HEPH: variants seen among roughly 807,000 people sequenced by gnomAD.
HEPH encodes the protein hephaestin.
In HEPH, 69 loss-of-function variants were observed where a neutral mutation model predicts 80.8. That is an observed-to-expected ratio of 0.85 (90% CI 0.70 to 1.04). The LOEUF (loss-of-function observed/expected upper bound fraction) is 1.04. Among genes scored for constraint, HEPH ranks in the 50% least tolerant of loss-of-function variants. The pLI, the probability that HEPH is intolerant of heterozygous loss-of-function variation, is 0.00. For missense variants in HEPH, 1,115 were observed against 891.3 expected, an observed-to-expected ratio of 1.25 and a Z score of -3.20; for synonymous variants, 431 against 322.8, an observed-to-expected ratio of 1.34 and a Z score of -3.60.
At chrX:66,234,001 C>G (rs1448148855) in intron 15 of HEPH, among the ~76,000 whole-genome samples, 1 of 110,980 alleles carries the variant, frequency 9.0e-6, no homozygotes, top group Admixed American at 9.6e-5. Flanking sequence ...AGACTATTAT[C>G]TCACTGAGGT....
intron 2 of HEPH, 75 bp from the exon 3 acceptor site, chrX:66,172,280 G>A: frequency 9.7e-7 from 1 of 1,029,002 alleles, no homozygotes; most frequent in Non-Finnish European, 1.3e-6. Flanking sequence ...TTTTTGGTCA[G>A]TATCCTCTGG....
chrX:66,163,161 G>A (rs536149079), upstream of HEPH, among the ~76,000 whole-genome samples: 2 of 111,473 alleles, frequency 1.8e-5, no homozygotes, highest in East Asian at 5.7e-4. Context: ...AATAGAAAGA[G>A]GCCCAGAGAA....
chrX:66,245,183 G>A (rs1383565380), intron 15 of HEPH, among the ~76,000 whole-genome samples: 1 of 110,997 alleles, frequency 9.0e-6, no homozygotes, highest in Non-Finnish European at 1.9e-5. Context: ...ACACTGACTG[G>A]CAAATTGGAT....
chrX:66,164,381 C>A lies in HEPH; in HGVS notation c.-103C>A. ...AAAGGCCCTGTAACCAAGATACTGA[C>A]TGAACATGGCTGGCGGACTCAGGCT... is the stretch of plus-strand genomic sequence containing the variant. On this transcript the variant is annotated 5_prime_UTR_variant, in exon 1 of 21. The change creates a new upstream start codon in the 5' untranslated region. Transcript: ENST00000343002. 1.3e-6 allele frequency: 1 copy of A among 753,646 alleles called. No homozygotes were observed. The highest frequency in any genetic ancestry group is 2.3e-5 in the African/African-American group (1 of 43,843). The allele number at this position is 753,646 out of a possible 1,213,427, so 62.1% of individuals were successfully genotyped here.
intron 20 of HEPH, among the ~76,000 whole-genome samples, chrX:66,264,421 CT>C (rs768517388): frequency 9.1e-6 from 1 of 109,323 alleles, no homozygotes; most frequent in Admixed American, 9.9e-5. Context: ...TTATTCTTGC[CT>C]CTTTCCCTTT....
At position 66,197,841 on chromosome X, in the gene HEPH, G is replaced by T. The variant is rs865916948; in HGVS notation, c.1660G>T (p.Val554Leu). The change falls in exon 10 of 21, where the codon GTG becomes TTG. Residue 554 changes from valine (V) to leucine (L), a missense_variant. This residue lies in a region of HEPH where 716 missense variants were observed against 523.5 expected (regional missense o/e 1.37). Transcript: ENST00000343002. ...DPIRDTNSGL[V>L]GPLLVCRAGA... ...CATAAGAGACACAAATTCTGGCCTGGTGGGCCCGCTGCTGGTGTGCAGGGC... is the reference window on the plus strand; with the variant it reads ...CATAAGAGACACAAATTCTGGCCTGTTGGGCCCGCTGCTGGTGTGCAGGGC... 8.3e-7 allele frequency: 1 copy of T among 1,207,432 alleles called. No homozygotes were observed. Among genetic ancestry groups the T allele is most frequent in the Non-Finnish European group, 1.1e-6 (1 of 893,974 alleles).
intron 7 of HEPH, 23 bp from the exon 8 acceptor site, chrX:66,193,479 A>G (rs748477702): frequency 1.8e-6 from 2 of 1,094,591 alleles, no homozygotes; most frequent in African/African-American, 3.7e-5. Context: ...AAATAATATC[A>G]TATTTTCCTT....
At chrX:66,263,146 G>A (rs2091421640) in intron 19 of HEPH, among the ~76,000 whole-genome samples, 2 of 111,691 alleles carry the variant, frequency 1.8e-5, no homozygotes, top group Admixed American at 1.9e-4. Flanking sequence ...AGCCTCAAAA[G>A]AGATATGTTT....
chrX:66,166,338 CAT>C (rs2086362372), intron 1 of HEPH, among the ~76,000 whole-genome samples: 1 of 110,824 alleles, frequency 9.0e-6, no homozygotes, highest in Non-Finnish European at 1.9e-5. Context: ...GGATTACAGG[CAT>C]GCACCACCAT....
At chrX:66,249,902 G>A (rs1486560823) in intron 15 of HEPH, among the ~76,000 whole-genome samples, 2 of 111,440 alleles carry the variant, frequency 1.8e-5, no homozygotes, top group East Asian at 5.7e-4. Context: ...GGGTGGGAGT[G>A]GTGAAGGGGA....
chrX:66,174,856 A>G (rs2086735384), intron 4 of HEPH, among the ~76,000 whole-genome samples: 1 of 110,840 alleles, frequency 9.0e-6, no homozygotes, highest in African/African-American at 3.3e-5. Flanking sequence ...CCACTTTTTG[A>G]TGGGATTGTT....
chrX:66,267,292 A>T lies in HEPH; in HGVS notation c.*620A>T, dbSNP rs1244525765. On this transcript the variant is annotated 3_prime_UTR_variant, in exon 21 of 21. Coordinates refer to ENST00000343002, the MANE Select transcript of HEPH (RefSeq NM_001367233.3). Reference sequence around the variant, plus strand: ...AGCTCCTCAGGAAAGCCAGTTCTCCAAGTTCTTAACCTGTGGCACTGAAAG... The same window carrying T: ...AGCTCCTCAGGAAAGCCAGTTCTCCTAGTTCTTAACCTGTGGCACTGAAAG... 1 of 112,555 alleles carries T rather than the reference A, an allele frequency of 8.9e-6. No individual in the cohort carries two copies. Among genetic ancestry groups the T allele is most frequent in the Non-Finnish European group, 1.9e-5 (1 of 53,531 alleles). The allele number at this position is 112,555 out of a possible 1,213,427, so 9.3% of individuals were successfully genotyped here.
At chrX:66,197,440 T>G (rs2088163975) in intron 9 of HEPH, among the ~76,000 whole-genome samples, 1 of 111,270 alleles carries the variant, frequency 9.0e-6, no homozygotes, top group Admixed American at 9.6e-5. Flanking sequence ...CCTATGATTT[T>G]GGAAAACTGA....
chrX:66,210,801 G>A (rs757101847), intron 15 of HEPH, among the ~76,000 whole-genome samples: 74 of 111,471 alleles, frequency 6.6e-4, no homozygotes, highest in African/African-American at 2.3e-3. Context: ...TAGGGAGATG[G>A]TGGAATCAAG....
Position 66,256,119 on chromosome X carries a change from C to G in HEPH, c.2685C>G (p.Gly895=). 1 of 1,208,002 alleles carries G rather than the reference C, an allele frequency of 8.3e-7. No homozygotes were observed. The highest frequency in any genetic ancestry group is 1.1e-6 in the Non-Finnish European group (1 of 892,466). The stretch of plus-strand genomic sequence containing the variant: ...CCCTTCCTCAGGACATGTATAGTGG[C>G]CTGGTGGGGCCCTTGGCTATCTGCC... ...AVDPIKDMYS[G]LVGPLAICQK... The change falls in exon 17 of 21, where the codon GGC becomes GGG. Residue 895 remains glycine (G), a synonymous_variant. Transcript: ENST00000343002.
chrX:66,163,140 C>A (rs2086243332), upstream of HEPH, among the ~76,000 whole-genome samples: 1 of 111,295 alleles, frequency 9.0e-6, no homozygotes, highest in Admixed American at 9.6e-5. Context: ...GTTTAAGACC[C>A]TCATTGTAGA....
chrX:66,170,590 T>C lies in HEPH; in HGVS notation c.20T>C (p.Leu7Pro), dbSNP rs2086550276. The C allele has an allele frequency of 8.3e-7, 1 of 1,210,755 alleles. No homozygotes were observed. Among genetic ancestry groups the C allele is most frequent in the South Asian group, 1.8e-5 (1 of 56,779 alleles). MESGHL[L>P]WALLFMQSLW... ...TGGGCCATGGAGTCAGGCCACCTCC[T>C]CTGGGCTCTGCTGTTCATGCAGTCC... The change falls in exon 2 of 21, where the codon CTC (leucine) becomes CCC (proline). Residue 7 changes from leucine to proline, a missense_variant. This residue lies in a region of HEPH where 391 missense variants were observed against 343.6 expected (regional missense o/e 1.14). Transcript: ENST00000343002.
chrX:66,239,563 C>T (rs1326475516), intron 15 of HEPH, among the ~76,000 whole-genome samples: 1 of 110,896 alleles, frequency 9.0e-6, no homozygotes, highest in African/African-American at 3.3e-5. Flanking sequence ...ATTTTGGGGT[C>T]CTAGATATTT....
chrX:66,223,546 T>C (rs190948068), intron 15 of HEPH, among the ~76,000 whole-genome samples: 21 of 111,905 alleles, frequency 1.9e-4, no homozygotes, highest in Non-Finnish European at 3.6e-4. Flanking sequence ...TTATAGACTC[T>C]TTTTAACCTT....
Sources: gnomAD v4.1 joint callset for allele counts (sites outside exome capture counted in the v4.1 genomes callset) on GRCh38, gnomAD v4.1.1 for gene constraint, gnomAD v4.1.1 regional missense constraint, MANE v1.5 for transcripts, NCBI Gene and HGNC (gene_info 2026-07-23, HGNC 2026-07-21) for gene names.